The following HIPK2 variants were observed in gnomAD, a reference collection of about 807,000 sequenced individuals.
HIPK2 encodes homeodomain interacting protein kinase 2.
HIPK2 carries 27 observed loss-of-function variants against 113.7 expected under a neutral mutation model. That is an observed-to-expected ratio of 0.24 (90% CI 0.17 to 0.33). HIPK2 has a LOEUF of 0.33. Ranked by LOEUF, HIPK2 falls within the 10% of genes least tolerant of loss-of-function variation. The pLI, the probability that HIPK2 is intolerant of heterozygous loss-of-function variation, is 1.00. For missense variants in HIPK2, 1,257 were observed against 1,588.0 expected, an observed-to-expected ratio of 0.79 and a Z score of 3.54; for synonymous variants, 631 against 642.2, an observed-to-expected ratio of 0.98 and a Z score of 0.26.
chr7:139,685,619 C>A (rs1339735670), intron 2 of HIPK2, among the ~76,000 whole-genome samples: 4 of 152,142 alleles, frequency 2.6e-5, no homozygotes, highest in Non-Finnish European at 5.9e-5. Context: ...GACTTTAAGT[C>A]GAAGCCAGTG....
Position 139,587,784 on chromosome 7 carries a change from A to C in HIPK2, c.2718-3720T>G, listed in dbSNP as rs979281371. Among the ~76,000 whole-genome samples, 4 of 151,870 alleles carry C rather than the reference A, an allele frequency of 2.6e-5. No individual in the cohort carries two copies. In the Admixed American group the frequency reaches 2.6e-4, roughly 10 times the overall value. On this transcript the variant is annotated intron_variant, in intron 12 of 14. Transcript: ENST00000406875. ...TCCTAGCTGCTCGGGAGACTGAGGC[A>C]GGAAGATGGCTTGAGCCCAGGAGTT...
chr7:139,595,715 T>G (rs927822133), intron 12 of HIPK2, among the ~76,000 whole-genome samples: 2 of 152,204 alleles, frequency 1.3e-5, no homozygotes, highest in Admixed American at 1.3e-4. Flanking sequence ...ATAGTTATAA[T>G]GAGAATGTTT....
intron 2 of HIPK2, among the ~76,000 whole-genome samples, chr7:139,693,434 T>C (rs1166723256): frequency 6.6e-6 from 1 of 152,176 alleles, no homozygotes; most frequent in Non-Finnish European, 1.5e-5. Context: ...AGGGGTTCAG[T>C]TGGAGAGAGA....
At chr7:139,777,136 C>G (rs905794506) in intron 1 of HIPK2, 1 of 152,236 alleles carries the variant, frequency 6.6e-6, no homozygotes, top group Non-Finnish European at 1.5e-5. Flanking sequence ...CACAGCCCCC[C>G]CAAAATCGGA....
At chr7:139,597,550 GT>G (rs1415711712) in intron 11 of HIPK2, among the ~76,000 whole-genome samples, 1 of 152,180 alleles carries the variant, frequency 6.6e-6, no homozygotes, top group Non-Finnish European at 1.5e-5. Context: ...CAGTGGTTCA[GT>G]TTTCCTTCTT....
chr7:139,758,912 C>T (rs1474925067), intron 1 of HIPK2, among the ~76,000 whole-genome samples: 1 of 152,054 alleles, frequency 6.6e-6, no homozygotes, highest in Non-Finnish European at 1.5e-5. Flanking sequence ...ACAGGCAAAG[C>T]CTCTCCAACT....
chr7:139,644,968 T>C (rs1054683162), intron 2 of HIPK2, among the ~76,000 whole-genome samples: 12 of 152,264 alleles, frequency 7.9e-5, no homozygotes, highest in African/African-American at 2.7e-4. Flanking sequence ...ACATCACTTA[T>C]GTGCAACTTT....
intron 13 of HIPK2, among the ~76,000 whole-genome samples, chr7:139,580,337 T>C (rs1035911039): frequency 6.6e-6 from 1 of 152,186 alleles, no homozygotes; most frequent in African/African-American, 2.4e-5. Flanking sequence ...ACCATCATCA[T>C]GGGGACAGGA....
chr7:139,746,557 A>G (rs1341843201), intron 1 of HIPK2, among the ~76,000 whole-genome samples: 1 of 152,182 alleles, frequency 6.6e-6, no homozygotes, highest in Non-Finnish European at 1.5e-5. Context: ...CACTACCAAT[A>G]TAAGCATCAG....
chr7:139,563,343 GCTCTCGCGCT>G lies in HIPK2; in HGVS notation c.*9574_*9583del, dbSNP rs1459667115. The G allele has an allele frequency of 2.0e-5, 3 of 152,812 alleles. No individual in the cohort carries two copies. Among genetic ancestry groups the G allele is most frequent in the African/African-American group, 7.2e-5 (3 of 41,432 alleles). The allele number at this position is 152,812 out of a possible 1,614,324, so 9.5% of individuals were successfully genotyped here. A position where few individuals can be genotyped will look rare whatever the true frequency, so the allele number is the denominator to read the frequency against. The stretch of plus-strand genomic sequence containing the variant: ...AAGGCTGAGTGGGGCCTTCTTGCTG[GCTCTCGCGCT>G]TTCTGGGAGTCCTGGGTGCCTTGGC... On this transcript the variant is annotated 3_prime_UTR_variant, in exon 15 of 15. Transcript: ENST00000406875.
At chr7:139,661,398 T>G (rs183092478) in intron 2 of HIPK2, among the ~76,000 whole-genome samples, 1 of 152,314 alleles carries the variant, frequency 6.6e-6, no homozygotes, top group East Asian at 1.9e-4. Flanking sequence ...ACTGGAGAAG[T>G]GCAGGATAAG....
At chr7:139,700,858 C>A (rs1035262406) in intron 2 of HIPK2, among the ~76,000 whole-genome samples, 3 of 152,188 alleles carry the variant, frequency 2.0e-5, no homozygotes, top group African/African-American at 7.2e-5. Context: ...TTCTGCAGAG[C>A]CATGCACATA....
chr7:139,773,758 C>T (rs1391352107), intron 1 of HIPK2, among the ~76,000 whole-genome samples: 2 of 152,202 alleles, frequency 1.3e-5, no homozygotes, highest in African/African-American at 2.4e-5. Flanking sequence ...TTGTGGTGGG[C>T]GAGGAGCCTC....
intron 1 of HIPK2, among the ~76,000 whole-genome samples, chr7:139,769,564 C>A (rs1286324873): frequency 6.6e-6 from 1 of 152,226 alleles, no homozygotes; most frequent in Admixed American, 6.5e-5. Context: ...GCAAAAATTA[C>A]TTTGCAAATG....
intron 1 of HIPK2, among the ~76,000 whole-genome samples, chr7:139,762,104 A>G (rs1005842328): frequency 6.6e-6 from 1 of 152,270 alleles, no homozygotes; most frequent in African/African-American, 2.4e-5. Context: ...AGGTCATCTT[A>G]GAAATGATCT....
intron 13 of HIPK2, among the ~76,000 whole-genome samples, chr7:139,579,048 C>T (rs1388340915): frequency 2.0e-5 from 3 of 152,080 alleles, no homozygotes; most frequent in South Asian, 2.1e-4. Flanking sequence ...CACTGAAAAG[C>T]GTAAGGAAGC....
chr7:139,674,108 T>A (rs1305586167), intron 2 of HIPK2, among the ~76,000 whole-genome samples: 1 of 151,744 alleles, frequency 6.6e-6, no homozygotes, highest in African/African-American at 2.4e-5. Flanking sequence ...GCTGGAGATT[T>A]TAATTACAAA....
intron 9 of HIPK2, among the ~76,000 whole-genome samples, chr7:139,612,104 A>G (rs767204340): frequency 6.2e-4 from 95 of 152,208 alleles, no homozygotes; most frequent in South Asian, 1.9e-3. Context: ...ACCAAGACAG[A>G]CTAAAGTTAC....
chr7:139,584,256 T>C (rs1012572026), intron 12 of HIPK2, 192 bp from the exon 13 acceptor site: 8 of 242,496 alleles, frequency 3.3e-5, no homozygotes, highest in Non-Finnish European at 4.0e-5. Context: ...CAGGGGGACA[T>C]GTGAAGACAT....
Sources: gnomAD v4.1 joint callset for allele counts (sites outside exome capture counted in the v4.1 genomes callset) on GRCh38, gnomAD v4.1.1 for gene constraint, MANE v1.5 for transcripts, NCBI Gene and HGNC (gene_info 2026-07-23, HGNC 2026-07-21) for gene names.